The following CHST15 variants were observed in gnomAD, a reference collection of about 807,000 sequenced individuals.
The protein encoded by CHST15 is carbohydrate sulfotransferase 15.
A neutral mutation model predicts 53.6 loss-of-function variants in CHST15; 30 were observed. That is an observed-to-expected ratio of 0.56 (90% CI 0.42 to 0.76). The LOEUF is 0.76. Ranked by LOEUF, CHST15 falls within the 30% of genes least tolerant of loss-of-function variation. The probability of loss-of-function intolerance (pLI) is 0.00; values close to 1 mark genes in which losing one functional copy is unlikely to be tolerated. For missense variants in CHST15, 627 were observed against 740.5 expected, an observed-to-expected ratio of 0.85 and a Z score of 1.78; for synonymous variants, 296 against 289.8, an observed-to-expected ratio of 1.02 and a Z score of -0.22.
intron 1 of CHST15, among the ~76,000 whole-genome samples, chr10:124,084,155 C>G (rs538441371): frequency 2.0e-5 from 3 of 152,236 alleles, no homozygotes; most frequent in African/African-American, 7.2e-5. Flanking sequence ...TTCAGTGGGA[C>G]GGAGGAGGAG....
chr10:124,052,258 G>C (rs1174113452), intron 1 of CHST15, among the ~76,000 whole-genome samples: 2 of 152,188 alleles, frequency 1.3e-5, no homozygotes, highest in African/African-American at 2.4e-5. Flanking sequence ...CTCTAAGATA[G>C]AAGGTTGTTG....
chr10:124,011,033 C>T, intron 7 of CHST15: 1 of 982,846 alleles, frequency 1.0e-6, no homozygotes, highest in Non-Finnish European at 1.2e-6. Flanking sequence ...CGCCACGCCC[C>T]GCCCTCTGGA....
rs145347085 is a variant in CHST15, at chr10:124,035,982, C to G, written c.1190+2533G>C. On this transcript the variant is annotated intron_variant, in intron 5 of 7. Transcript: ENST00000435907. ...AGTCCCGACAGATGGGCCCCCACCT[C>G]TCTGTGCCCAGACAGTACACAAGGC... Among the ~76,000 whole-genome samples the G allele has an allele frequency of 4.4e-3, 669 of 152,362 alleles. 9 individuals are homozygous for G. Among genetic ancestry groups the G allele is most frequent in the African/African-American group, 0.015 (640 of 41,584 alleles).
At position 124,042,411 on chromosome 10, in the gene CHST15, T is replaced by G. The variant is rs201649749; in HGVS notation, c.923A>C (p.Tyr308Ser). ...GAGGTCCAGATAATCTTCCACGGGA[T>G]AGCGGTCTCGCAGCCCATCTCTTAG... ...VRLRDGLRDR[Y>S]PVEDYLDLFD... is the part of the protein sequence containing the mutation. Residue 308 changes from tyrosine to serine, a missense_variant, in exon 4 of 8, where the codon TAT (tyrosine) becomes TCT (serine). Coordinates refer to ENST00000435907, the MANE Select transcript of CHST15 (RefSeq NM_001270764.2). 1 of 1,614,202 alleles carries G rather than the reference T, an allele frequency of 6.2e-7. No homozygotes were observed. The highest frequency in any genetic ancestry group is 1.7e-5 in the Admixed American group (1 of 60,020).
chr10:124,035,503 T>C (rs1280885490), intron 5 of CHST15, among the ~76,000 whole-genome samples: 33 of 137,882 alleles, frequency 2.4e-4, no homozygotes, highest in African/African-American at 8.6e-4. Flanking sequence ...ATAGGTACCC[T>C]GGCTTCATCC....
chr10:124,040,132 G>A (rs932821118), intron 4 of CHST15, among the ~76,000 whole-genome samples: 2 of 152,184 alleles, frequency 1.3e-5, no homozygotes, highest in African/African-American at 2.4e-5. Context: ...GAACTCTCTA[G>A]CTAAATTGGC....
In CHST15 at chr10:124,046,429, G is replaced by A. The variant is rs182311542; in HGVS notation, c.-217C>T. The A allele has an allele frequency of 7.7e-6, 4 of 520,812 alleles. No individual in the cohort carries two copies. In the African/African-American group the frequency reaches 7.8e-5, roughly 10 times the overall value. The allele number at this position is 520,812 out of a possible 1,614,324, so 32.3% of individuals were successfully genotyped here. A position where few individuals can be genotyped will look rare whatever the true frequency, so the allele number is the denominator to read the frequency against. On this transcript the variant is annotated 5_prime_UTR_variant, in exon 2 of 8. Coordinates refer to ENST00000435907, the MANE Select transcript of CHST15 (RefSeq NM_001270764.2). ...GCTCCGAAAGAAAACAAAAGGAAGT[G>A]ATGTCCCAGAGTCATGTTCTACAAG...
rs191561570 is a variant in CHST15, at chr10:124,069,880, G to A, written c.-512-23156C>T. On this transcript the variant is annotated intron_variant, in intron 1 of 7. Coordinates refer to ENST00000435907, the MANE Select transcript of CHST15 (RefSeq NM_001270764.2). ...TTATCCATTAGGTTCCATGACATGT[G>A]GAATATACTGAGGGCAAAGAAGTCA... 5.1e-3 allele frequency among the ~76,000 whole-genome samples: 779 copies of A among 152,308 alleles called. 1 individual carries two copies. Among genetic ancestry groups the A allele is most frequent in the Non-Finnish European group, 7.9e-3 (539 of 68,032 alleles).
intron 1 of CHST15, among the ~76,000 whole-genome samples, chr10:124,061,581 TG>T (rs2134102898): frequency 6.6e-6 from 1 of 152,328 alleles, no homozygotes; most frequent in South Asian, 2.1e-4. Flanking sequence ...GGGTAGCATT[TG>T]GGGGGCTATG....
chr10:124,047,536 A>G (rs920234455), intron 1 of CHST15, among the ~76,000 whole-genome samples: 1 of 152,198 alleles, frequency 6.6e-6, no homozygotes, highest in African/African-American at 2.4e-5. Flanking sequence ...GATGTCGTAG[A>G]AAGAGCCATG....
chr10:124,086,551 G>A (rs1489156969), intron 1 of CHST15, among the ~76,000 whole-genome samples: 1 of 152,234 alleles, frequency 6.6e-6, no homozygotes, highest in African/African-American at 2.4e-5. Flanking sequence ...GGGCGGGTCT[G>A]CCTGACTGCC....
At chr10:124,061,014 G>C (rs1040312534) in intron 1 of CHST15, among the ~76,000 whole-genome samples, 2 of 152,190 alleles carry the variant, frequency 1.3e-5, no homozygotes, top group African/African-American at 4.8e-5. Flanking sequence ...CAACGCTAAA[G>C]GTAGGTGTAA....
intron 1 of CHST15, among the ~76,000 whole-genome samples, chr10:124,063,777 A>G (rs4341477): frequency 0.29 from 44,577 of 152,074 alleles, 6,787 homozygotes; most frequent in South Asian, 0.42. Context: ...TGCTTAAACC[A>G]CCGCTGTCTT....
At chr10:124,067,789 G>T (rs1380562830) in intron 1 of CHST15, among the ~76,000 whole-genome samples, 3 of 152,054 alleles carry the variant, frequency 2.0e-5, no homozygotes, top group African/African-American at 7.2e-5. Flanking sequence ...GCTAATTTTT[G>T]TATTTTTAGT....
At chr10:124,046,754 A>G (rs1464163817) in intron 1 of CHST15, 30 bp from the exon 2 acceptor site, 1 of 152,454 alleles carries the variant, frequency 6.6e-6, no homozygotes, top group Non-Finnish European at 1.5e-5. Flanking sequence ...GCTTTATTAC[A>G]TTGTGTGGTA....
intron 5 of CHST15, among the ~76,000 whole-genome samples, chr10:124,034,612 GACCCTGGCTTCACCCCTGATAGGT>G (rs1483426904): frequency 0.022 from 3,013 of 138,604 alleles, 233 homozygotes; most frequent in African/African-American, 0.083. Flanking sequence ...CCCTAACAGG[GACCCTGGCTTCACCCCTGATAGGT>G]ACCCTGGCTC....
intron 1 of CHST15, among the ~76,000 whole-genome samples, chr10:124,084,771 C>T (rs1949365680): frequency 6.6e-6 from 1 of 152,214 alleles, no homozygotes; most frequent in Non-Finnish European, 1.5e-5. Context: ...ACTCCAAAGT[C>T]AAGCGTCTGG....
intron 1 of CHST15, among the ~76,000 whole-genome samples, chr10:124,063,134 G>A (rs930721598): frequency 6.6e-6 from 1 of 152,158 alleles, no homozygotes; most frequent in African/African-American, 2.4e-5. Flanking sequence ...TGTAATCCCA[G>A]CACTTTAGGA....
chr10:124,051,261 A>C (rs1437839639), intron 1 of CHST15, among the ~76,000 whole-genome samples: 2 of 152,144 alleles, frequency 1.3e-5, no homozygotes, highest in African/African-American at 4.8e-5. Flanking sequence ...AATTTTTACT[A>C]TGTATAGTAA....
Sources: gnomAD v4.1 joint callset for allele counts (sites outside exome capture counted in the v4.1 genomes callset) on GRCh38, gnomAD v4.1.1 for gene constraint, MANE v1.5 for transcripts, NCBI Gene and HGNC (gene_info 2026-07-23, HGNC 2026-07-21) for gene names.